The following ABHD12 variants were observed in gnomAD, a reference collection of about 807,000 sequenced individuals.
ABHD12 encodes abhydrolase domain containing 12, lysophospholipase, also known as lysophosphatidylserine lipase ABHD12.
Under a neutral mutation model 58.3 loss-of-function variants are expected in ABHD12, and 43 were observed. The observed-to-expected ratio is 0.74, with a 90% CI of 0.58 to 0.95. The LOEUF (loss-of-function observed/expected upper bound fraction) is 0.95. Ranked by LOEUF, ABHD12 falls within the 40% of genes least tolerant of loss-of-function variation. ABHD12 has a pLI of 0.00. For missense variants in ABHD12, 539 were observed against 537.2 expected (o/e 1.00, Z -0.03); for synonymous variants, 219 against 211.2 (o/e 1.04, Z -0.32).
chr20:25,330,252 C>T (rs1600808789), intron 2 of ABHD12, among the ~76,000 whole-genome samples: 2 of 152,236 alleles, frequency 1.3e-5, no homozygotes, highest in South Asian at 4.1e-4. Context: ...TGTGCTTTTC[C>T]GACTGGCTTA....
chr20:25,294,745 A>G, exon 13 of ABHD12: 1 of 633,480 alleles, frequency 1.6e-6, no homozygotes, highest in South Asian at 1.8e-5. Flanking sequence ...CAACGATGTG[A>G]CATTATAATG....
intron 7 of ABHD12, among the ~76,000 whole-genome samples, chr20:25,309,057 G>C (rs1270857654): frequency 6.6e-6 from 1 of 152,198 alleles, no homozygotes; most frequent in Non-Finnish European, 1.5e-5. Flanking sequence ...CAGAGACGTG[G>C]ACCTCGCATC....
intron 2 of ABHD12, among the ~76,000 whole-genome samples, chr20:25,329,232 T>C (rs371793992): frequency 6.6e-6 from 1 of 152,358 alleles, no homozygotes; most frequent in African/African-American, 2.4e-5. Flanking sequence ...CTAAGCCCTG[T>C]GGCAGCCCCA....
chr20:25,344,675 A>G (rs1027179501), intron 1 of ABHD12, among the ~76,000 whole-genome samples: 2 of 152,216 alleles, frequency 1.3e-5, no homozygotes, highest in Admixed American at 1.3e-4. Context: ...CCTAAAGTTT[A>G]TATGGAAAGG....
intron 1 of ABHD12, among the ~76,000 whole-genome samples, chr20:25,375,116 A>C (rs1275864595): frequency 6.6e-6 from 1 of 152,194 alleles, no homozygotes; most frequent in Non-Finnish European, 1.5e-5. Context: ...CAGAGGTTAG[A>C]CCATATGAAG....
intron 9 of ABHD12, 118 bp downstream of exon 9, chr20:25,307,847 AT>A: frequency 2.3e-6 from 1 of 431,440 alleles, no homozygotes; most frequent in Non-Finnish European, 3.9e-6. Context: ...TGAAATCTGT[AT>A]TCATTAGAAT....
downstream of ABHD12, chr20:25,297,755 C>T (rs955465384): frequency 2.0e-5 from 3 of 152,330 alleles, no homozygotes; most frequent in African/African-American, 7.2e-5. Flanking sequence ...TCTTTTTCTC[C>T]CTGGCCTCCA....
chr20:25,308,509 A>G lies in ABHD12; in HGVS notation c.750-15T>C, dbSNP rs1341237590. 1 of 1,606,508 alleles carries G rather than the reference A, an allele frequency of 6.2e-7. No individual in the cohort carries two copies. The highest frequency in any genetic ancestry group is 8.5e-7 in the Non-Finnish European group (1 of 1,176,166). ...TTGTCGCCACGCTAGGAAAAAAGAAAAACAGCTTAGTTGAGTTATGATAAA... is the reference window on the plus strand; with the variant it reads ...TTGTCGCCACGCTAGGAAAAAAGAAGAACAGCTTAGTTGAGTTATGATAAA... On this transcript the variant is annotated splice_polypyrimidine_tract_variant and intron_variant, in intron 7 of 12. Transcript: ENST00000339157.
intron 2 of ABHD12, among the ~76,000 whole-genome samples, chr20:25,329,516 T>C (rs781635736): frequency 3.3e-5 from 5 of 152,198 alleles, no homozygotes; most frequent in Non-Finnish European, 5.9e-5. Context: ...GGATGGAGAA[T>C]GGATCCTGCA....
Position 25,379,723 on chromosome 20 carries a change from TTTTA to T in ABHD12, c.191+10786_191+10789del, listed in dbSNP as rs569772742. ...AAGTTATCCTATAGCATAGTGATGC[TTTTA>T]TTTATTTATATATTTTTTTGAGACA... On this transcript the variant is annotated intron_variant, in intron 1 of 12. Coordinates refer to ENST00000339157, the MANE Select transcript of ABHD12 (RefSeq NM_001042472.3). Among the ~76,000 whole-genome samples, 277 of 152,324 alleles carry T rather than the reference TTTTA, an allele frequency of 1.8e-3. 1 individual carries two copies. The highest frequency in any genetic ancestry group is 6.4e-3 in the African/African-American group (266 of 41,564).
chr20:25,294,996 T>A (rs748204704), exon 13 of ABHD12: 2 of 1,614,228 alleles, frequency 1.2e-6, no homozygotes, highest in Non-Finnish European at 1.7e-6. Flanking sequence ...GACCACATGC[T>A]GGGATCTGGG....
chr20:25,362,838 C>T (rs998030226), intron 1 of ABHD12, among the ~76,000 whole-genome samples: 1 of 151,744 alleles, frequency 6.6e-6, no homozygotes, highest in Admixed American at 6.6e-5. Context: ...CCACCCCCGG[C>T]TAATTTTGTA....
chr20:25,323,005 G>A (rs1168689139), intron 3 of ABHD12, among the ~76,000 whole-genome samples: 1 of 152,210 alleles, frequency 6.6e-6, no homozygotes, highest in African/African-American at 2.4e-5. Flanking sequence ...TTACAGGTGT[G>A]AGCCACTGTG....
intron 6 of ABHD12, 89 bp from the exon 7 acceptor site, chr20:25,309,664 G>A: frequency 8.2e-6 from 13 of 1,584,062 alleles, no homozygotes; most frequent in African/African-American, 1.3e-5. Flanking sequence ...CCAGGGCCAG[G>A]AGGAGACAGG....
chr20:25,339,579 T>C (rs1354249638), intron 1 of ABHD12: 3 of 1,496,072 alleles, frequency 2.0e-6, no homozygotes, highest in Non-Finnish European at 2.7e-6. Context: ...GGAACTTTTT[T>C]TCTTGAAAGA....
intron 1 of ABHD12, among the ~76,000 whole-genome samples, chr20:25,371,686 C>T (rs765126828): frequency 6.6e-6 from 1 of 152,128 alleles, no homozygotes; most frequent in Non-Finnish European, 1.5e-5. Context: ...TAGCTTCATG[C>T]CAGTTCTCTA....
intron 1 of ABHD12, among the ~76,000 whole-genome samples, chr20:25,388,822 C>G (rs1318784822): frequency 1.9e-5 from 2 of 103,208 alleles, no homozygotes; most frequent in Non-Finnish European, 3.8e-5. Flanking sequence ...GAGTTCCGTT[C>G]TTGTTGTCCA....
intron 2 of ABHD12, among the ~76,000 whole-genome samples, chr20:25,335,970 A>AT (rs1036062530): frequency 2.6e-5 from 4 of 151,836 alleles, no homozygotes; most frequent in Admixed American, 2.0e-4. Context: ...TAATAAATAA[A>AT]AAAAAAACAA....
downstream of ABHD12, among the ~76,000 whole-genome samples, chr20:25,298,613 G>GCTAT (rs2088587796): frequency 6.6e-6 from 1 of 152,186 alleles, no homozygotes; most frequent in Non-Finnish European, 1.5e-5. Context: ...TACTAAACAT[G>GCTAT]CTATCTGGGG....
Sources: allele counts gnomAD v4.1 joint callset (sites outside exome capture counted in the v4.1 genomes callset), GRCh38; gene constraint gnomAD v4.1.1; transcripts MANE v1.5; gene names NCBI Gene and HGNC (gene_info 2026-07-23, HGNC 2026-07-21).